ELF1: variants seen among roughly 807,000 people sequenced by gnomAD.
The protein encoded by ELF1 is E74 like ETS transcription factor 1, also known as ETS-related transcription factor Elf-1.
A neutral mutation model predicts 59.9 loss-of-function variants in ELF1; 24 were observed. The observed-to-expected ratio is 0.40, with a 90% confidence interval of 0.29 to 0.56. The LOEUF is 0.56. Ranked by LOEUF, ELF1 falls within the 20% of genes least tolerant of loss-of-function variation. The pLI, the probability that ELF1 is intolerant of heterozygous loss-of-function variation, is 0.44. For synonymous variants in ELF1, 248 were observed against 266.2 expected, an observed-to-expected ratio of 0.93 and a Z score of 0.67; for missense variants, 627 against 742.2, an observed-to-expected ratio of 0.84 and a Z score of 1.80.
At chr13:41,004,339 A>T (rs997934075) in intron 1 of ELF1, among the ~76,000 whole-genome samples, 1 of 152,062 alleles carries the variant, frequency 6.6e-6, no homozygotes, top group African/African-American at 2.4e-5. Flanking sequence ...AAGGAGAGAG[A>T]ACATGAAAGG....
At position 40,979,944 on chromosome 13, in the gene ELF1, TA is replaced by T. The variant is rs1299910948; in HGVS notation, c.72+2038del. The stretch of plus-strand genomic sequence containing the variant: ...AAATGGCACGTTATTGCTTTTCCAT[TA>T]AAAACAAATTAACCTAATAAGCAAA... On this transcript the variant is annotated intron_variant, in intron 2 of 8. Transcript: ENST00000239882. Among the ~76,000 whole-genome samples the T allele has an allele frequency of 2.0e-5, 3 of 152,264 alleles. No individual in the cohort carries two copies. In the South Asian group the frequency reaches 6.2e-4, roughly 32 times the overall value.
chr13:41,041,652 G>A (rs1313438553), intron 1 of ELF1, among the ~76,000 whole-genome samples: 3 of 152,056 alleles, frequency 2.0e-5, no homozygotes, highest in Non-Finnish European at 2.9e-5. Context: ...TCCAGCCTGA[G>A]CAACAGAGTG....
rs535726317 is a variant in ELF1 at position 40,974,022 on chromosome 13, G to C, written c.72+7961C>G. On this transcript the variant is annotated intron_variant, in intron 2 of 8. Coordinates refer to ENST00000239882, the MANE Select transcript of ELF1 (RefSeq NM_172373.4). ...TAGTTCCCAGGAGCTAGGAAGAGTG[G>C]GGAAGAATAGGTCATGACTGCTAAC... Among the ~76,000 whole-genome samples, 8 of 152,240 alleles carry C rather than the reference G, an allele frequency of 5.3e-5. No individual in the cohort carries two copies. The East Asian group carries it at 1.5e-3, about 29-fold the overall frequency.
At chr13:41,031,671 T>A (rs911409573) in intron 1 of ELF1, among the ~76,000 whole-genome samples, 2 of 151,340 alleles carry the variant, frequency 1.3e-5, no homozygotes, top group African/African-American at 4.9e-5. Flanking sequence ...TACAAAAAAA[T>A]TAGCCAGGGG....
chr13:41,046,216 G>C (rs539903313), intron 1 of ELF1, among the ~76,000 whole-genome samples: 2 of 152,296 alleles, frequency 1.3e-5, no homozygotes, highest in Admixed American at 6.5e-5. Context: ...ACAGCACACT[G>C]ATGGGTCTTG....
chr13:41,046,392 C>G (rs889663512), intron 1 of ELF1, among the ~76,000 whole-genome samples: 1 of 152,296 alleles, frequency 6.6e-6, no homozygotes, highest in Non-Finnish European at 1.5e-5. Flanking sequence ...ATGGTCTCTA[C>G]AATTTGGCAT....
intron 1 of ELF1, among the ~76,000 whole-genome samples, chr13:41,050,726 T>C (rs1386997087): frequency 6.6e-6 from 1 of 152,152 alleles, no homozygotes; most frequent in Non-Finnish European, 1.5e-5. Context: ...AATTTTTGTA[T>C]TTTTAGTAGA....
intron 1 of ELF1, among the ~76,000 whole-genome samples, chr13:41,046,209 G>C (rs1876837491): frequency 6.6e-6 from 1 of 152,152 alleles, no homozygotes; most frequent in South Asian, 2.1e-4. Context: ...CCTGAATACA[G>C]CACACTGATG....
intron 1 of ELF1, among the ~76,000 whole-genome samples, chr13:41,045,348 C>T (rs1876798817): frequency 6.6e-6 from 1 of 151,788 alleles, no homozygotes; most frequent in African/African-American, 2.4e-5. Flanking sequence ...AATTTGTTTG[C>T]TCTTGCTTCT....
chr13:41,053,374 T>G (rs1308775808), intron 1 of ELF1, among the ~76,000 whole-genome samples: 1 of 152,000 alleles, frequency 6.6e-6, no homozygotes, highest in African/African-American at 2.4e-5. Flanking sequence ...AAAATTAAGA[T>G]CATTAACATT....
At chr13:40,986,371 G>C (rs1017969074) in intron 1 of ELF1, among the ~76,000 whole-genome samples, 7 of 151,310 alleles carry the variant, frequency 4.6e-5, no homozygotes, top group Admixed American at 1.3e-4. Flanking sequence ...ATGCAAAAAT[G>C]CATGTGCAGA....
intron 3 of ELF1, among the ~76,000 whole-genome samples, chr13:40,957,750 AGT>A (rs967928716): frequency 4.1e-4 from 63 of 152,350 alleles, no homozygotes; most frequent in African/African-American, 1.5e-3. Flanking sequence ...CAATGTGAGA[AGT>A]GACTAAAACA....
rs548961664 is a variant in ELF1, at chr13:41,041,902, G to A, written c.-229+18936C>T. 2.4e-3 allele frequency among the ~76,000 whole-genome samples: 359 copies of A among 152,170 alleles called. 2 individuals carry two copies. Among genetic ancestry groups the A allele is most frequent in the Admixed American group, 3.7e-3 (57 of 15,280 alleles). On this transcript the variant is annotated intron_variant, in intron 1 of 1. Transcript: ENST00000405737. ...TCAATACCTGTGTGTACACAATCCC[G>A]GAATACCATATTTAGACTAAGTCAG...
intron 2 of ELF1, among the ~76,000 whole-genome samples, chr13:40,978,004 G>C (rs1873019668): frequency 6.6e-6 from 1 of 152,152 alleles, no homozygotes; most frequent in African/African-American, 2.4e-5. Flanking sequence ...AGTGGGGGAA[G>C]AATCTTCAAA....
intron 3 of ELF1, among the ~76,000 whole-genome samples, chr13:40,954,272 C>T (rs543961994): frequency 6.6e-5 from 10 of 152,286 alleles, no homozygotes; most frequent in African/African-American, 2.2e-4. Flanking sequence ...GATTTGTCCC[C>T]GCTCCAAATC....
chr13:40,953,298 C>G (rs1437008391), intron 3 of ELF1, among the ~76,000 whole-genome samples: 1 of 152,162 alleles, frequency 6.6e-6, no homozygotes, highest in African/African-American at 2.4e-5. Context: ...TTAATATCAT[C>G]TATTATAGGC....
At chr13:41,029,654 T>C (rs1876085946) in intron 1 of ELF1, among the ~76,000 whole-genome samples, 1 of 152,162 alleles carries the variant, frequency 6.6e-6, no homozygotes, top group Non-Finnish European at 1.5e-5. Context: ...AGTGCAAGGA[T>C]TACAGGCGTG....
chr13:41,040,528 G>A (rs1876563135), intron 1 of ELF1, among the ~76,000 whole-genome samples: 1 of 152,124 alleles, frequency 6.6e-6, no homozygotes, highest in Non-Finnish European at 1.5e-5. Context: ...GGGGGCAGGG[G>A]TTGGGGAGGA....
chr13:41,041,049 A>G (rs1876584997), intron 1 of ELF1, among the ~76,000 whole-genome samples: 1 of 152,190 alleles, frequency 6.6e-6, no homozygotes, highest in African/African-American at 2.4e-5. Flanking sequence ...TGAAACCTGA[A>G]TGTTAAGCAG....
Sources: gnomAD v4.1 joint callset for allele counts (sites outside exome capture counted in the v4.1 genomes callset) on GRCh38, gnomAD v4.1.1 for gene constraint, MANE v1.5 for transcripts, NCBI Gene and HGNC (gene_info 2026-07-23, HGNC 2026-07-21) for gene names.